Variants in EYS observed in about 807,000 individuals in gnomAD.
The protein encoded by EYS is EGF-like photoreceptor maintenance factor.
A neutral mutation model predicts 282.1 loss-of-function variants in EYS; 250 were observed. The ratio of observed to expected loss-of-function variants is 0.89; its 90% CI spans 0.80 to 0.98. The LOEUF (loss-of-function observed/expected upper bound fraction) is 0.98, where lower values mean the gene tolerates loss of function less well. Ranked by LOEUF, EYS falls within the 50% of genes least tolerant of loss-of-function variation. The pLI, the probability that EYS is intolerant of heterozygous loss-of-function variation, is 0.00. For synonymous variants in EYS, 1,355 were observed against 1,282.9 expected, an observed-to-expected ratio of 1.06 and a Z score of -1.20; for missense variants, 4,016 against 3,709.0, an observed-to-expected ratio of 1.08 and a Z score of -2.15.
chr6:65,270,639 T>C (rs1402757657), intron 12 of EYS, among the ~76,000 whole-genome samples: 1 of 152,162 alleles, frequency 6.6e-6, no homozygotes, highest in South Asian at 2.1e-4. Flanking sequence ...CATTTTACTA[T>C]GAAAAGTCAG....
At chr6:65,493,471 C>T (rs986731862) in intron 4 of EYS, among the ~76,000 whole-genome samples, 21 of 152,114 alleles carry the variant, frequency 1.4e-4, no homozygotes, top group Admixed American at 7.9e-4. Flanking sequence ...TCATCGTGGT[C>T]TTATTTCACT....
chr6:64,874,837 C>T (rs1431862553), intron 19 of EYS, among the ~76,000 whole-genome samples: 2 of 151,970 alleles, frequency 1.3e-5, no homozygotes, highest in African/African-American at 2.4e-5. Context: ...TGAGCCTGAA[C>T]GTGCCTGTAT....
intron 26 of EYS, among the ~76,000 whole-genome samples, chr6:64,447,061 A>G (rs113926776): frequency 0.011 from 1,720 of 152,056 alleles, 35 homozygotes; most frequent in African/African-American, 0.039. Context: ...AATTTTATGT[A>G]TGACACTTAA....
chr6:64,510,981 G>T, intron 26 of EYS, among the ~76,000 whole-genome samples: 1 of 151,968 alleles, frequency 6.6e-6, no homozygotes. Flanking sequence ...TGGAGCTTCA[G>T]CTTCATCTGT....
chr6:65,008,464 A>T (rs1216361129), intron 13 of EYS, among the ~76,000 whole-genome samples: 1 of 84,950 alleles, frequency 1.2e-5, no homozygotes, highest in African/African-American at 7.9e-5. Context: ...CAAATGGGAT[A>T]AAAAAAAAGG....
intron 5 of EYS, among the ~76,000 whole-genome samples, chr6:65,421,560 T>A (rs1767455115): frequency 1.3e-5 from 2 of 151,900 alleles, no homozygotes; most frequent in Non-Finnish European, 2.9e-5. Flanking sequence ...CAAGAATTGT[T>A]CCTTTGCATT....
chr6:64,133,341 C>T (rs992770420), intron 31 of EYS, among the ~76,000 whole-genome samples: 47 of 151,966 alleles, frequency 3.1e-4, no homozygotes, highest in African/African-American at 1.1e-3. Flanking sequence ...GGCTTACTAA[C>T]ATTTTCAGCT....
intron 26 of EYS, among the ~76,000 whole-genome samples, chr6:64,491,781 A>G (rs1164959778): frequency 1.3e-5 from 2 of 151,028 alleles, no homozygotes; most frequent in South Asian, 2.1e-4. Context: ...GCTATGTTAT[A>G]AAGGTGACTT....
At chr6:65,179,113 A>C (rs1214939964) in intron 12 of EYS, among the ~76,000 whole-genome samples, 2 of 152,152 alleles carry the variant, frequency 1.3e-5, no homozygotes, top group Non-Finnish European at 2.9e-5. Context: ...AAAGCAGGAA[A>C]GATCTAAAAT....
At chr6:64,175,379 G>A (rs1764595902) in intron 31 of EYS, among the ~76,000 whole-genome samples, 1 of 152,142 alleles carries the variant, frequency 6.6e-6, no homozygotes, top group South Asian at 2.1e-4. Flanking sequence ...AGAAGTGAGG[G>A]AAGATAGTAG....
intron 29 of EYS, among the ~76,000 whole-genome samples, chr6:64,368,043 A>G (rs1459428058): frequency 2.0e-5 from 3 of 152,118 alleles, no homozygotes; most frequent in Non-Finnish European, 4.4e-5. Flanking sequence ...TTCATCATCC[A>G]GGTAATAAGC....
intron 19 of EYS, among the ~76,000 whole-genome samples, chr6:64,831,655 A>G (rs1765221343): frequency 6.6e-6 from 1 of 151,884 alleles, no homozygotes; most frequent in South Asian, 2.1e-4. Flanking sequence ...AATGGGGGCA[A>G]TTCTTCAATA....
chr6:64,832,011 G>A (rs866215584), intron 19 of EYS, among the ~76,000 whole-genome samples: 20 of 151,966 alleles, frequency 1.3e-4, no homozygotes, highest in South Asian at 4.1e-4. Context: ...ATATCTCTAA[G>A]TACAAACAGG....
intron 13 of EYS, among the ~76,000 whole-genome samples, chr6:65,017,236 T>G (rs1772085349): frequency 6.6e-6 from 1 of 152,198 alleles, no homozygotes; most frequent in African/African-American, 2.4e-5. Context: ...TAGATGCATT[T>G]TACAAATATT....
intron 8 of EYS, among the ~76,000 whole-genome samples, chr6:65,375,232 C>T (rs986764792): frequency 5.9e-5 from 9 of 152,114 alleles, no homozygotes; most frequent in Non-Finnish European, 1.0e-4. Context: ...CTGGTGATAC[C>T]CAAGCAAACA....
chr6:64,083,186 G>C lies in EYS; in HGVS notation c.6425-1184C>G, dbSNP rs533372084. On this transcript the variant is annotated intron_variant, in intron 31 of 42. Transcript: ENST00000503581. Reference sequence around the variant, plus strand: ...GGCCTCCCAAAGTGCTGGAATTACAGATGTGAGCCACCATGCCCAGCCAAC... The same window carrying C: ...GGCCTCCCAAAGTGCTGGAATTACACATGTGAGCCACCATGCCCAGCCAAC... Among the ~76,000 whole-genome samples, 27 of 152,242 alleles carry C rather than the reference G, an allele frequency of 1.8e-4. No individual in the cohort carries two copies. In the South Asian group the frequency reaches 5.4e-3, roughly 30 times the overall value.
At chr6:65,629,593 C>G (rs1224669365) in intron 2 of EYS, among the ~76,000 whole-genome samples, 2 of 152,192 alleles carry the variant, frequency 1.3e-5, no homozygotes, top group African/African-American at 4.8e-5. Context: ...TGTCTCATGA[C>G]TGCACCCTGC....
chr6:64,052,433 T>G (rs923290254), intron 33 of EYS, among the ~76,000 whole-genome samples: 2 of 152,206 alleles, frequency 1.3e-5, no homozygotes, highest in African/African-American at 4.8e-5. Context: ...TTCATTTTAG[T>G]ATAACATACC....
intron 29 of EYS, among the ~76,000 whole-genome samples, chr6:64,360,264 A>G (rs1771960028): frequency 6.6e-6 from 1 of 151,744 alleles, no homozygotes; most frequent in Non-Finnish European, 1.5e-5. Context: ...TTGGTTGTAT[A>G]TATTTAGACC....
Sources: allele counts gnomAD v4.1 joint callset (sites outside exome capture counted in the v4.1 genomes callset), GRCh38; gene constraint gnomAD v4.1.1; transcripts MANE v1.5; gene names NCBI Gene and HGNC (gene_info 2026-07-23, HGNC 2026-07-21).